Variants in RBFOX1 observed in about 807,000 individuals in gnomAD.
RBFOX1 encodes RNA binding fox-1 homolog 1, also known as RNA binding protein fox-1 homolog 1.
RBFOX1 carries 8 observed loss-of-function variants against 57.7 expected under a neutral mutation model. The ratio of observed to expected loss-of-function variants is 0.14; its 90% confidence interval spans 0.08 to 0.25. RBFOX1 has a LOEUF of 0.25. Ranked by LOEUF, RBFOX1 falls within the 10% of genes least tolerant of loss-of-function variation. The pLI is 1.00. For synonymous variants in RBFOX1, 326 were observed against 222.4 expected, an observed-to-expected ratio of 1.47 and a Z score of -4.15; for missense variants, 611 against 548.5, an observed-to-expected ratio of 1.11 and a Z score of -1.14.
chr16:7,635,256 C>T (rs1276313026), intron 11 of RBFOX1, among the ~76,000 whole-genome samples: 2 of 152,198 alleles, frequency 1.3e-5, no homozygotes, highest in African/African-American at 4.8e-5. Flanking sequence ...AAAAAGTTCA[C>T]TTCTGATTCA....
At chr16:6,324,465 C>T (rs1255545181) in intron 2 of RBFOX1, among the ~76,000 whole-genome samples, 1 of 152,096 alleles carries the variant, frequency 6.6e-6, no homozygotes, top group Non-Finnish European at 1.5e-5. Context: ...AGGAAACTTA[C>T]AGTTATGGCA....
chr16:6,801,806 C>A (rs2085527550), intron 3 of RBFOX1, among the ~76,000 whole-genome samples: 2 of 152,016 alleles, frequency 1.3e-5, no homozygotes, highest in South Asian at 4.2e-4. Flanking sequence ...CAAAGTTTTC[C>A]AAAGATTATA....
At chr16:6,651,134 T>G (rs1420952204) in intron 2 of RBFOX1, among the ~76,000 whole-genome samples, 2 of 152,144 alleles carry the variant, frequency 1.3e-5, no homozygotes, top group Non-Finnish European at 2.9e-5. Flanking sequence ...ACACCTGACC[T>G]CAGGTGATCC....
At chr16:6,965,033 C>G (rs974878693) in intron 3 of RBFOX1, among the ~76,000 whole-genome samples, 8 of 152,062 alleles carry the variant, frequency 5.3e-5, no homozygotes, top group African/African-American at 1.9e-4. Context: ...GCTTTATTAT[C>G]TCTAGGTTCT....
intron 3 of RBFOX1, among the ~76,000 whole-genome samples, chr16:5,666,970 G>A (rs941220822): frequency 6.6e-6 from 1 of 152,178 alleles, no homozygotes; most frequent in African/African-American, 2.4e-5. Context: ...AAAAAATAGG[G>A]CAAGGCCTCT....
chr16:5,709,232 C>A (rs1256268724), intron 3 of RBFOX1, among the ~76,000 whole-genome samples: 1 of 152,074 alleles, frequency 6.6e-6, no homozygotes, highest in African/African-American at 2.4e-5. Context: ...GTAATCAGTG[C>A]CATGGTAGAG....
intron 3 of RBFOX1, among the ~76,000 whole-genome samples, chr16:6,787,970 C>A (rs1010601365): frequency 6.7e-6 from 1 of 149,602 alleles, no homozygotes; most frequent in African/African-American, 2.4e-5. Flanking sequence ...TGTCTGTAAT[C>A]CCAGCACTTT....
intron 2 of RBFOX1, among the ~76,000 whole-genome samples, chr16:6,474,926 A>G (rs994003912): frequency 3.3e-5 from 5 of 152,216 alleles, no homozygotes; most frequent in African/African-American, 1.2e-4. Flanking sequence ...CATAAAGAGA[A>G]AGTGTGTAGC....
rs140286194 is a variant in RBFOX1, at chr16:7,249,725, G to A, written c.27+197627G>A. Among the ~76,000 whole-genome samples, 99 of 151,876 alleles carry A rather than the reference G, an allele frequency of 6.5e-4. 1 individual carries two copies. Among genetic ancestry groups the A allele is most frequent in the African/African-American group, 2.4e-3 (98 of 41,398 alleles). ...AGTCCCAATTGCTGAGCTTTTTCTT[G>A]TGCTATCTCTGATTTTCCACCATAA... On this transcript the variant is annotated intron_variant, in intron 4 of 15. Transcript: ENST00000550418.
chr16:6,831,322 T>C (rs1035525827), intron 3 of RBFOX1, among the ~76,000 whole-genome samples: 1 of 152,224 alleles, frequency 6.6e-6, no homozygotes, highest in Admixed American at 6.5e-5. Flanking sequence ...TGGACTCTCC[T>C]GTTTTTTCCA....
intron 4 of RBFOX1, among the ~76,000 whole-genome samples, chr16:5,982,472 C>T (rs1315186174): frequency 4.6e-5 from 7 of 152,076 alleles, no homozygotes; most frequent in African/African-American, 7.2e-5. Flanking sequence ...GAAGGGGTTT[C>T]GCCATGTTGG....
chr16:5,506,675 A>C (rs1462524357), intron 2 of RBFOX1, among the ~76,000 whole-genome samples: 1 of 151,974 alleles, frequency 6.6e-6, no homozygotes, highest in Non-Finnish European at 1.5e-5. Flanking sequence ...ACTGGAGATG[A>C]CGCCACAGAG....
chr16:7,565,116 C>T (rs558915523), intron 5 of RBFOX1, among the ~76,000 whole-genome samples: 68 of 152,180 alleles, frequency 4.5e-4, no homozygotes, highest in African/African-American at 1.6e-3. Context: ...TGAGAAGACC[C>T]GAAGTGTGGG....
intron 3 of RBFOX1, among the ~76,000 whole-genome samples, chr16:6,947,826 C>T (rs62017752): frequency 0.17 from 25,428 of 152,106 alleles, 2,400 homozygotes; most frequent in East Asian, 0.28. Flanking sequence ...GCTCAAGCTG[C>T]AGTGCAGTCG....
intron 3 of RBFOX1, among the ~76,000 whole-genome samples, chr16:6,859,132 TATATATAC>T (rs1323538562): frequency 3.4e-5 from 3 of 88,692 alleles, no homozygotes; most frequent in South Asian, 4.1e-4. Context: ...TATATATACA[TATATATAC>T]GTATATATAT....
At chr16:5,958,697 C>A (rs1254008908) in intron 4 of RBFOX1, among the ~76,000 whole-genome samples, 1 of 152,194 alleles carries the variant, frequency 6.6e-6, no homozygotes, top group East Asian at 1.9e-4. Context: ...TAAATGCAGA[C>A]CTGTGGGGTT....
At chr16:5,309,303 G>A (rs936651363) in intron 1 of RBFOX1, among the ~76,000 whole-genome samples, 3 of 152,002 alleles carry the variant, frequency 2.0e-5, no homozygotes, top group Non-Finnish European at 4.4e-5. Flanking sequence ...CTTTCTCTCT[G>A]TATTATTTTT....
chr16:5,325,142 C>T (rs1022422148), intron 1 of RBFOX1, among the ~76,000 whole-genome samples: 3 of 152,168 alleles, frequency 2.0e-5, no homozygotes, highest in African/African-American at 7.2e-5. Context: ...CGCTGCTCTA[C>T]AACACCTTCC....
chr16:6,849,404 C>G (rs962905938), intron 3 of RBFOX1, among the ~76,000 whole-genome samples: 5 of 152,174 alleles, frequency 3.3e-5, no homozygotes, highest in African/African-American at 7.2e-5. Context: ...TGTGGTGGCT[C>G]ACACCTGTAA....
Sources: gnomAD v4.1 joint callset for allele counts (sites outside exome capture counted in the v4.1 genomes callset) on GRCh38, gnomAD v4.1.1 for gene constraint, MANE v1.5 for transcripts, NCBI Gene and HGNC (gene_info 2026-07-23, HGNC 2026-07-21) for gene names.